PCDH15: variants seen among roughly 807,000 people sequenced by gnomAD.
The protein encoded by PCDH15 is protocadherin related 15.
Under a neutral mutation model 178.5 loss-of-function variants are expected in PCDH15, and 129 were observed. The observed-to-expected ratio is 0.72, with a 90% confidence interval of 0.63 to 0.84. The LOEUF is 0.84. Ranked by LOEUF, PCDH15 falls within the 40% of genes least tolerant of loss-of-function variation. The pLI, the probability that PCDH15 is intolerant of heterozygous loss-of-function variation, is 0.00. For synonymous variants in PCDH15, 800 were observed against 732.0 expected, an observed-to-expected ratio of 1.09 and a Z score of -1.50; for missense variants, 2,230 against 2,099.9, an observed-to-expected ratio of 1.06 and a Z score of -1.21.
intron 1 of PCDH15, among the ~76,000 whole-genome samples, chr10:55,213,459 T>C (rs1840621415): frequency 6.6e-6 from 1 of 152,168 alleles, no homozygotes; most frequent in African/African-American, 2.4e-5. Flanking sequence ...ACATTTCAAG[T>C]CACCAATTCA....
intron 2 of PCDH15, among the ~76,000 whole-genome samples, chr10:55,015,594 T>C (rs1840154886): frequency 6.6e-6 from 1 of 152,150 alleles, no homozygotes; most frequent in African/African-American, 2.4e-5. Context: ...AAAGAGAGTG[T>C]CTGTCATGGT....
At chr10:54,139,492 T>G (rs1485121229) in intron 14 of PCDH15, among the ~76,000 whole-genome samples, 1 of 152,164 alleles carries the variant, frequency 6.6e-6, no homozygotes, top group Non-Finnish European at 1.5e-5. Flanking sequence ...ATTGGGTGTC[T>G]GGGTCATTTC....
intron 3 of PCDH15, among the ~76,000 whole-genome samples, chr10:54,868,345 C>CT (rs578222815): frequency 3.7e-4 from 56 of 152,228 alleles, no homozygotes; most frequent in Non-Finnish European, 6.3e-4. Flanking sequence ...GCATAAGCAC[C>CT]TTCTCTAAGA....
chr10:55,223,010 C>T (rs535463381), intron 1 of PCDH15, among the ~76,000 whole-genome samples: 23 of 152,040 alleles, frequency 1.5e-4, no homozygotes, highest in East Asian at 5.8e-4. Flanking sequence ...TCAGTTTAAA[C>T]CAGCATAGTC....
chr10:54,617,848 C>A (rs993304402), intron 2 of PCDH15, among the ~76,000 whole-genome samples: 3 of 150,596 alleles, frequency 2.0e-5, no homozygotes, highest in African/African-American at 7.3e-5. Context: ...TTTCTTGAAC[C>A]CGGGAGGCAG....
intron 3 of PCDH15, among the ~76,000 whole-genome samples, chr10:54,468,518 G>A (rs12268378): frequency 0.18 from 26,908 of 151,640 alleles, 2,935 homozygotes; most frequent in African/African-American, 0.3. Flanking sequence ...AAGATACTTG[G>A]TATATTTTGA....
At chr10:54,537,626 A>G (rs2084727964) in intron 2 of PCDH15, among the ~76,000 whole-genome samples, 1 of 152,178 alleles carries the variant, frequency 6.6e-6, no homozygotes, top group African/African-American at 2.4e-5. Context: ...AATGTATGCA[A>G]TTCAATAATT....
intron 8 of PCDH15, among the ~76,000 whole-genome samples, chr10:54,272,607 A>G (rs542615682): frequency 6.6e-6 from 1 of 152,256 alleles, no homozygotes; most frequent in East Asian, 1.9e-4. Flanking sequence ...CATTGAAACA[A>G]TTTAATAATG....
intron 18 of PCDH15, among the ~76,000 whole-genome samples, chr10:54,065,482 T>C (rs910457191): frequency 3.3e-5 from 5 of 152,188 alleles, no homozygotes; most frequent in Admixed American, 2.0e-4. Flanking sequence ...CAGTAAGCCA[T>C]TGGACACCAG....
chr10:54,381,219 C>G (rs1363196742), intron 3 of PCDH15, among the ~76,000 whole-genome samples: 1 of 152,038 alleles, frequency 6.6e-6, no homozygotes, highest in East Asian at 1.9e-4. Flanking sequence ...TCTGAATTGC[C>G]TGAACAACTG....
At position 54,103,457 on chromosome 10, in the gene PCDH15, G is replaced by A. The variant is rs945714005; in HGVS notation, c.1918-13394C>T. Reference sequence around the variant, plus strand: ...TAAATTTTGTAGTTGAGTGACTGTGGTTCACACTGTTTGATCTGACATACA... The same window carrying A: ...TAAATTTTGTAGTTGAGTGACTGTGATTCACACTGTTTGATCTGACATACA... On this transcript the variant is annotated intron_variant, in intron 15 of 37. Coordinates refer to ENST00000644397, the MANE Select transcript of PCDH15 (RefSeq NM_001384140.1). Among the ~76,000 whole-genome samples, 6 of 152,178 alleles carry A rather than the reference G, an allele frequency of 3.9e-5. No homozygotes were observed. In the East Asian group the frequency reaches 1.2e-3, roughly 29 times the overall value.
At chr10:53,846,842 A>T (rs1020437029) in intron 28 of PCDH15, among the ~76,000 whole-genome samples, 3 of 151,996 alleles carry the variant, frequency 2.0e-5, no homozygotes, top group Admixed American at 1.3e-4. Context: ...AGCAGCCATA[A>T]TCTCAATTAC....
chr10:53,869,001 T>A (rs2079643401), intron 26 of PCDH15, among the ~76,000 whole-genome samples: 1 of 152,046 alleles, frequency 6.6e-6, no homozygotes, highest in Non-Finnish European at 1.5e-5. Flanking sequence ...AGACACAGGG[T>A]CTCGCTATGT....
At chr10:54,388,396 T>C (rs1262010404) in intron 3 of PCDH15, among the ~76,000 whole-genome samples, 9 of 152,116 alleles carry the variant, frequency 5.9e-5, no homozygotes, top group African/African-American at 1.9e-4. Flanking sequence ...TTAAGTAAGA[T>C]AGGAAGAGAG....
intron 2 of PCDH15, among the ~76,000 whole-genome samples, chr10:55,026,536 A>T (rs1349801479): frequency 6.6e-6 from 1 of 152,136 alleles, no homozygotes; most frequent in East Asian, 1.9e-4. Flanking sequence ...TCAACTACAA[A>T]GAGAGGAATA....
chr10:54,238,683 A>T (rs35647211), intron 8 of PCDH15, among the ~76,000 whole-genome samples: 75,033 of 128,426 alleles, frequency 0.58, 20,811 homozygotes, highest in Middle Eastern at 0.68. Context: ...TCTCTCACAC[A>T]CACACACACA....
At chr10:55,475,245 T>C (rs941093744) in intron 2 of PCDH15, among the ~76,000 whole-genome samples, 14 of 152,202 alleles carry the variant, frequency 9.2e-5, no homozygotes, top group African/African-American at 3.4e-4. Context: ...CACCTCCCTT[T>C]ATGCCCCATC....
intron 2 of PCDH15, among the ~76,000 whole-genome samples, chr10:55,034,987 ATCTGGGAG>A (rs1840699075): frequency 1.3e-5 from 2 of 152,156 alleles, no homozygotes; most frequent in African/African-American, 4.8e-5. Flanking sequence ...TGGAGGCATG[ATCTGGGAG>A]GATACAGCTG....
intron 32 of PCDH15, among the ~76,000 whole-genome samples, chr10:53,825,956 T>C (rs998938708): frequency 6.6e-6 from 1 of 151,644 alleles, no homozygotes; most frequent in African/African-American, 2.4e-5. Context: ...TTCCAGATGA[T>C]GTTATAGTAT....
Sources: gnomAD v4.1 joint callset for allele counts (sites outside exome capture counted in the v4.1 genomes callset) on GRCh38, gnomAD v4.1.1 for gene constraint, MANE v1.5 for transcripts, NCBI Gene and HGNC (gene_info 2026-07-23, HGNC 2026-07-21) for gene names.